Variants in DNAH11 observed in about 807,000 individuals in gnomAD.
The protein encoded by DNAH11 is dynein axonemal heavy chain 11, also known as axonemal beta dynein heavy chain 11.
Under a neutral mutation model 526.0 loss-of-function variants are expected in DNAH11, and 442 were observed. The observed-to-expected ratio is 0.84, with a 90% confidence interval of 0.78 to 0.91. The LOEUF (loss-of-function observed/expected upper bound fraction) is 0.91. Among genes scored for constraint, DNAH11 ranks in the 40% least tolerant of loss-of-function variants. The probability of loss-of-function intolerance (pLI) is 0.00; values close to 1 mark genes in which losing one functional copy is unlikely to be tolerated. For synonymous variants in DNAH11, 2,461 were observed against 1,935.9 expected, an observed-to-expected ratio of 1.27 and a Z score of -7.12; for missense variants, 6,989 against 5,448.7, an observed-to-expected ratio of 1.28 and a Z score of -8.90.
intron 34 of DNAH11, 97 bp downstream of exon 34, chr7:21,687,624 T>A: frequency 7.2e-7 from 1 of 1,380,314 alleles, no homozygotes; most frequent in African/African-American, 1.4e-5. Context: ...TCTCCCTGTC[T>A]CATGAAATAG....
intron 45 of DNAH11, among the ~76,000 whole-genome samples, chr7:21,731,013 G>A (rs1335910331): frequency 6.6e-6 from 1 of 152,002 alleles, no homozygotes; most frequent in African/African-American, 2.4e-5. Context: ...GTGTGGTGGT[G>A]TGCGCCTATA....
At chr7:21,784,747 A>G (rs1361182538) in intron 58 of DNAH11, among the ~76,000 whole-genome samples, 2 of 152,220 alleles carry the variant, frequency 1.3e-5, no homozygotes, top group African/African-American at 2.4e-5. Flanking sequence ...ACCCTGTTCT[A>G]CGGCACCCCA....
At chr7:21,806,780 C>T (rs1789280318) in intron 62 of DNAH11, among the ~76,000 whole-genome samples, 1 of 152,094 alleles carries the variant, frequency 6.6e-6, no homozygotes, top group African/African-American at 2.4e-5. Context: ...TCAGTCAATC[C>T]ATACATATTT....
chr7:21,858,508 T>G (rs1455905250), intron 68 of DNAH11, among the ~76,000 whole-genome samples: 1 of 152,212 alleles, frequency 6.6e-6, no homozygotes, highest in Non-Finnish European at 1.5e-5. Context: ...TTTTGCATGT[T>G]CCCACAGTGG....
rs1583680376 is a variant in DNAH11 at position 21,773,810 on chromosome 7, C to T, written c.9147C>T (p.His3049=). The change falls in exon 56 of 82, where the codon CAC becomes CAT. Residue 3049 remains histidine, a synonymous_variant. Coordinates refer to ENST00000409508, the MANE Select transcript of DNAH11 (RefSeq NM_001277115.2). ...TTAGCCTTTTCATGGCACATGTTCACACCACTGTAAATGAAATGAGTACCA... is the reference window on the plus strand; with the variant it reads ...TTAGCCTTTTCATGGCACATGTTCATACCACTGTAAATGAAATGAGTACCA... ...DSISLFMAHV[H]TTVNEMSTRY... 1 of 1,607,616 alleles carries T rather than the reference C, an allele frequency of 6.2e-7. No homozygotes were observed. The highest frequency in any genetic ancestry group is 8.5e-7 in the Non-Finnish European group (1 of 1,177,178).
chr7:21,719,195 T>C (rs1784782288), intron 43 of DNAH11, among the ~76,000 whole-genome samples: 1 of 152,220 alleles, frequency 6.6e-6, no homozygotes, highest in Non-Finnish European at 1.5e-5. Context: ...TTTTAAGCTG[T>C]TGTTTTATAG....
chr7:21,581,916 T>G lies in DNAH11; in HGVS notation c.1605T>G (p.Ser535Arg). The stretch of plus-strand genomic sequence containing the variant: ...TTTGAATTTTACAGGAGTTTGAAAG[T>G]GATTATGTGGCATTTAAGTCCAAAA... Reference protein sequence around the residue: ...PSDCTNMEFESDYVAFKSKTL... With the variant: ...PSDCTNMEFERDYVAFKSKTL... The change falls in exon 9 of 82, where the codon AGT (serine) becomes AGG (arginine). Residue 535 changes from serine to arginine, a missense_variant. By Grantham distance (110) the Ser-to-Arg change is moderately radical (BLOSUM62 -1). Transcript: ENST00000409508. 1.9e-6 allele frequency: 3 copies of G among 1,604,020 alleles called. No homozygotes were observed. The highest frequency in any genetic ancestry group is 2.6e-6 in the Non-Finnish European group (3 of 1,174,446).
chr7:21,887,262 T>A (rs754606599), intron 76 of DNAH11, among the ~76,000 whole-genome samples: 2 of 152,180 alleles, frequency 1.3e-5, no homozygotes, highest in Non-Finnish European at 2.9e-5. Context: ...ATGAGTTTGC[T>A]CTCAGAGAGA....
intron 28 of DNAH11, among the ~76,000 whole-genome samples, chr7:21,641,631 G>C (rs1444692573): frequency 6.6e-6 from 1 of 152,162 alleles, no homozygotes; most frequent in Non-Finnish European, 1.5e-5. Context: ...TAAACTACAT[G>C]TTGACTCACA....
At chr7:21,807,568 C>G (rs542349064) in intron 62 of DNAH11, among the ~76,000 whole-genome samples, 3 of 152,272 alleles carry the variant, frequency 2.0e-5, no homozygotes, top group African/African-American at 7.2e-5. Flanking sequence ...CCCAGAGGGA[C>G]AGGGGAGAGA....
Position 21,714,949 on chromosome 7 carries a change from A to G in DNAH11, c.6984-2826A>G, listed in dbSNP as rs1784596631. On this transcript the variant is annotated intron_variant, in intron 42 of 81. Coordinates refer to ENST00000409508, the MANE Select transcript of DNAH11 (RefSeq NM_001277115.2). ...CTCTTTCTTCTATTACTTGAGCTTA[A>G]AATATTCTTCTGGCTTTGTGTCACT... Among the ~76,000 whole-genome samples the G allele has an allele frequency of 1.3e-5, 2 of 152,202 alleles. 1 individual carries two copies. Among genetic ancestry groups the G allele is most frequent in the Admixed American group, 1.3e-4 (2 of 15,280 alleles).
intron 57 of DNAH11, among the ~76,000 whole-genome samples, chr7:21,782,183 C>T (rs148114812): frequency 2.6e-5 from 4 of 152,310 alleles, no homozygotes; most frequent in Non-Finnish European, 5.9e-5. Context: ...AGAACATCTG[C>T]AAGGGGCTGT....
chr7:21,679,468 A>C (rs150402027), intron 30 of DNAH11, among the ~76,000 whole-genome samples: 2 of 152,364 alleles, frequency 1.3e-5, no homozygotes, highest in African/African-American at 4.8e-5. Context: ...GTATACCTAC[A>C]TCAAAATATC....
chr7:21,847,573 T>A (rs1032162774), intron 66 of DNAH11, among the ~76,000 whole-genome samples: 14 of 152,196 alleles, frequency 9.2e-5, no homozygotes, highest in African/African-American at 3.4e-4. Flanking sequence ...CTTTTAAACC[T>A]TTTTGGTGTG....
At chr7:21,789,393 T>A (rs1788336677) in intron 61 of DNAH11, 51 bp downstream of exon 61, 3 of 1,291,884 alleles carry the variant, frequency 2.3e-6, no homozygotes, top group East Asian at 2.5e-5. Flanking sequence ...GGTCGCTGCC[T>A]CCACCTTAGG....
intron 9 of DNAH11, among the ~76,000 whole-genome samples, chr7:21,584,856 A>G (rs1784431414): frequency 6.6e-6 from 1 of 151,984 alleles, no homozygotes; most frequent in Non-Finnish European, 1.5e-5. Context: ...TGCCTTTATA[A>G]CAGAATTCAA....
chr7:21,698,315 T>TA (rs1783935071), intron 36 of DNAH11, 102 bp downstream of exon 36: 1 of 1,493,260 alleles, frequency 6.7e-7, no homozygotes, highest in Non-Finnish European at 9.0e-7. Context: ...CATTAGACAT[T>TA]AAAATTTTTT....
At chr7:21,883,873 C>G (rs1284306041) in intron 75 of DNAH11, among the ~76,000 whole-genome samples, 1 of 152,106 alleles carries the variant, frequency 6.6e-6, no homozygotes, top group Admixed American at 6.5e-5. Flanking sequence ...AGACCCCCAT[C>G]TCTACAAAAT....
At chr7:21,776,296 A>G (rs745893163) in intron 56 of DNAH11, among the ~76,000 whole-genome samples, 1 of 152,220 alleles carries the variant, frequency 6.6e-6, no homozygotes, top group Non-Finnish European at 1.5e-5. Context: ...GTATTTGTGC[A>G]TGGAATGCTC....
Sources: gnomAD v4.1 joint callset for allele counts (sites outside exome capture counted in the v4.1 genomes callset) on GRCh38, gnomAD v4.1.1 for gene constraint, MANE v1.5 for transcripts, NCBI Gene and HGNC (gene_info 2026-07-23, HGNC 2026-07-21) for gene names.